The following NGEF variants were observed in gnomAD, a reference collection of about 807,000 sequenced individuals.
NGEF encodes the protein neuronal guanine nucleotide exchange factor.
A neutral mutation model predicts 80.9 loss-of-function variants in NGEF; 31 were observed. The observed-to-expected ratio is 0.38, with a 90% CI of 0.29 to 0.52. The LOEUF (loss-of-function observed/expected upper bound fraction) is 0.52. Ranked by LOEUF, NGEF falls within the 20% of genes least tolerant of loss-of-function variation. The pLI is 0.84. For missense variants in NGEF, 709 were observed against 926.2 expected (o/e 0.77, Z 3.04); for synonymous variants, 371 against 370.2 (o/e 1.00, Z -0.03).
In NGEF at chr2:232,888,090, T is replaced by C. The variant is rs764995408; in HGVS notation, c.1290A>G (p.Val430=). The C allele has an allele frequency of 1.2e-6, 2 of 1,607,746 alleles. No individual in the cohort carries two copies. The highest frequency in any genetic ancestry group is 1.7e-6 in the Non-Finnish European group (2 of 1,178,124). ...KLLVQNILKR[V]EERSERECTA... ...TGCACTCCCGCTCAGACCTCTCTTC[T>C]ACCCTCTTCAGGATGTTCTATGCAC... is the stretch of plus-strand genomic sequence containing the variant. The change falls in exon 9 of 15, where the codon GTA becomes GTG. Residue 430 remains valine, a synonymous_variant. Coordinates refer to ENST00000264051, the MANE Select transcript of NGEF (RefSeq NM_019850.3).
intron 5 of NGEF, among the ~76,000 whole-genome samples, chr2:232,899,943 TACAC>T (rs1195929770): frequency 1.0e-4 from 8 of 79,174 alleles, no homozygotes; most frequent in South Asian, 4.7e-4. Context: ...CACATTCACT[TACAC>T]ACATGCTCTC....
chr2:232,902,024 C>G (rs1273168847), intron 5 of NGEF, among the ~76,000 whole-genome samples: 1 of 152,216 alleles, frequency 6.6e-6, no homozygotes, highest in Non-Finnish European at 1.5e-5. Flanking sequence ...ACTCCTCTCT[C>G]TCCTCTAGCA....
rs565849013 is a variant in NGEF at position 232,931,294 on chromosome 2, C to T, written c.384-4108G>A. 7.9e-5 allele frequency among the ~76,000 whole-genome samples: 12 copies of T among 152,316 alleles called. No individual in the cohort carries two copies. The East Asian group carries it at 2.3e-3, about 29-fold the overall frequency. On this transcript the variant is annotated intron_variant, in intron 3 of 14. Transcript: ENST00000264051. ...ACAGCTGGGTGGGGCACTGTCTACT[C>T]TGTGCCTCTCCGTTATTTGGTGGCT... is the stretch of plus-strand genomic sequence containing the variant.
chr2:232,998,941 C>T (rs887570975), intron 1 of NGEF, among the ~76,000 whole-genome samples: 3 of 152,256 alleles, frequency 2.0e-5, no homozygotes, highest in South Asian at 2.1e-4. Flanking sequence ...GGGTTCTGCC[C>T]GCTCATACAA....
chr2:232,987,202 G>T (rs1372707281), intron 1 of NGEF, among the ~76,000 whole-genome samples: 1 of 152,052 alleles, frequency 6.6e-6, no homozygotes, highest in Non-Finnish European at 1.5e-5. Flanking sequence ...ATTTTTGGTA[G>T]AGATGAGGTT....
intron 5 of NGEF, among the ~76,000 whole-genome samples, chr2:232,897,200 G>A (rs547296347): frequency 4.6e-5 from 7 of 151,796 alleles, no homozygotes; most frequent in African/African-American, 1.7e-4. Context: ...TTTTAGGGCC[G>A]CCCTCCGGTT....
intron 13 of NGEF, among the ~76,000 whole-genome samples, chr2:232,881,728 C>T (rs1189407081): frequency 2.0e-5 from 3 of 152,050 alleles, no homozygotes; most frequent in East Asian, 1.9e-4. Flanking sequence ...ATTACAGGCA[C>T]GCACCACACC....
chr2:233,000,205 C>T (rs1005616150), intron 1 of NGEF, among the ~76,000 whole-genome samples: 1 of 152,198 alleles, frequency 6.6e-6, no homozygotes, highest in Non-Finnish European at 1.5e-5. Flanking sequence ...AAGCGATCTT[C>T]CCGCCTCAGT....
intron 1 of NGEF, 72 bp downstream of exon 1, chr2:233,012,996 C>A (rs754290965): frequency 2.2e-6 from 1 of 460,152 alleles, no homozygotes. Context: ...CCTGTCCTAG[C>A]GGTAGCCTCT....
At chr2:232,881,869 A>G (rs1487096661) in intron 13 of NGEF, among the ~76,000 whole-genome samples, 1 of 152,172 alleles carries the variant, frequency 6.6e-6, no homozygotes, top group Non-Finnish European at 1.5e-5. Context: ...GAGCCACTGC[A>G]CCTGGCTTTT....
Position 232,881,257 on chromosome 2 carries a change from G to C in NGEF, c.1838-7C>G, listed in dbSNP as rs1691494441. On this transcript the variant is annotated splice_region_variant and splice_polypyrimidine_tract_variant and intron_variant, in intron 13 of 14. Transcript: ENST00000264051. The stretch of plus-strand genomic sequence containing the variant: ...CACTGGACCTGGGGGCAGTCTGAGG[G>C]ACAAGAGGCACGGGCACATCCCCAC... The C allele has an allele frequency of 1.9e-6, 3 of 1,603,800 alleles. No homozygotes were observed. Among genetic ancestry groups the C allele is most frequent in the South Asian group, 2.2e-5 (2 of 91,052 alleles).
intron 4 of NGEF, among the ~76,000 whole-genome samples, chr2:232,922,310 C>G (rs1323259489): frequency 1.3e-5 from 2 of 152,154 alleles, no homozygotes; most frequent in African/African-American, 4.8e-5. Context: ...AAATTATATT[C>G]ATGAACAGGA....
At chr2:232,887,509 C>T (rs901457169) in intron 9 of NGEF, among the ~76,000 whole-genome samples, 3 of 152,058 alleles carry the variant, frequency 2.0e-5, no homozygotes, top group African/African-American at 4.8e-5. Context: ...GGGAGAGTGG[C>T]GTGGAGGGCT....
chr2:232,927,300 G>C (rs971827792), intron 3 of NGEF, 114 bp from the exon 4 acceptor site: 2 of 1,205,792 alleles, frequency 1.7e-6, no homozygotes, highest in African/African-American at 1.6e-5. Flanking sequence ...CCTTACCCGG[G>C]ACCGTCCAGG....
At chr2:232,891,997 A>AGCAGGGACG in intron 7 of NGEF, among the ~76,000 whole-genome samples, 1 of 152,162 alleles carries the variant, frequency 6.6e-6, no homozygotes, top group South Asian at 2.1e-4. Flanking sequence ...CAGCAGGGAC[A>AGCAGGGACG]GCAGGGACGG....
Position 232,963,021 on chromosome 2 carries a change from AT to A in NGEF, c.383+7192del, listed in dbSNP as rs578204086. 5.9e-4 allele frequency among the ~76,000 whole-genome samples: 90 copies of A among 151,922 alleles called. 2 individuals are homozygous for A. The highest frequency in any genetic ancestry group is 2.0e-3 in the African/African-American group (81 of 41,302). On this transcript the variant is annotated intron_variant, in intron 3 of 14. Transcript: ENST00000264051. ...CAATTTCAACTGAAATTCTAGCTGA[AT>A]TTTTTTTGGTAGAAATTGACAAACC...
chr2:232,985,200 C>T (rs1490394315), intron 1 of NGEF, among the ~76,000 whole-genome samples: 2 of 152,180 alleles, frequency 1.3e-5, no homozygotes, highest in Non-Finnish European at 2.9e-5. Flanking sequence ...GTCGGAAGAC[C>T]TGAGCAAACT....
intron 3 of NGEF, among the ~76,000 whole-genome samples, chr2:232,943,875 T>C (rs1444530451): frequency 6.6e-5 from 10 of 151,986 alleles, no homozygotes; most frequent in Admixed American, 6.5e-4. Context: ...CTGAAATACA[T>C]TCCTGATTGG....
At chr2:232,953,497 TC>T (rs1348725679) in intron 3 of NGEF, among the ~76,000 whole-genome samples, 4 of 120,356 alleles carry the variant, frequency 3.3e-5, no homozygotes, top group Admixed American at 7.8e-5. Context: ...TGACTTACAT[TC>T]TTTTTTTTTT....
Sources: gnomAD v4.1 joint callset for allele counts (sites outside exome capture counted in the v4.1 genomes callset) on GRCh38, gnomAD v4.1.1 for gene constraint, MANE v1.5 for transcripts, NCBI Gene and HGNC (gene_info 2026-07-23, HGNC 2026-07-21) for gene names.